Variants in CCDC146 observed in about 807,000 individuals in gnomAD.
CCDC146 encodes coiled-coil domain-containing protein 146.
In CCDC146, 92 loss-of-function variants were observed where a neutral mutation model predicts 119.3. The ratio of observed to expected loss-of-function variants is 0.77; its 90% CI spans 0.65 to 0.92. The LOEUF (loss-of-function observed/expected upper bound fraction) is 0.92, where lower values mean the gene tolerates loss of function less well. CCDC146 is among the 40% of genes least tolerant of loss of function. CCDC146 has a pLI of 0.00. For synonymous variants in CCDC146, 372 were observed against 371.8 expected, an observed-to-expected ratio of 1.00 and a Z score of -0.01; for missense variants, 1,000 against 1,103.0, an observed-to-expected ratio of 0.91 and a Z score of 1.32.
intron 1 of CCDC146, among the ~76,000 whole-genome samples, chr7:77,133,967 T>C (rs1195115479): frequency 6.6e-6 from 1 of 152,110 alleles, no homozygotes; most frequent in African/African-American, 2.4e-5. Flanking sequence ...CAGTACACAA[T>C]CGTCCCTTGG....
At chr7:77,276,224 G>T (rs199730965) in intron 11 of CCDC146, among the ~76,000 whole-genome samples, 2 of 74,372 alleles carry the variant, frequency 2.7e-5, no homozygotes, top group South Asian at 4.3e-4. Context: ...AAAAAAAAAA[G>T]AATTTATCTC....
At chr7:77,142,305 C>CATTTATTTATTT (rs34373715) in intron 1 of CCDC146, among the ~76,000 whole-genome samples, 128 of 142,846 alleles carry the variant, frequency 9.0e-4, no homozygotes, top group African/African-American at 1.2e-3. Context: ...CATGATTGTA[C>CATTTATTTATTT]ATTTATTTAT....
In CCDC146 at chr7:77,237,151, G is replaced by A. The variant is rs80323201; in HGVS notation, c.239+122G>A. ...CCTGAGGCAAGGATTTGCGTTCAGG[G>A]AGTTTGAGAAGTGGTACGAGAAAGC... On this transcript the variant is annotated intron_variant, in intron 3 of 18. Transcript: ENST00000285871. 759 of 767,398 alleles carry A rather than the reference G, an allele frequency of 9.9e-4. 13 individuals carry two copies. In the East Asian group the frequency reaches 0.019, roughly 20 times the overall value. The allele number at this position is 767,398 out of a possible 1,614,324, so 47.5% of individuals were successfully genotyped here.
chr7:77,188,804 C>A (rs566915882), intron 2 of CCDC146, among the ~76,000 whole-genome samples: 1 of 152,120 alleles, frequency 6.6e-6, no homozygotes, highest in African/African-American at 2.4e-5. Context: ...CTATATCTAA[C>A]GTAATCTAAA....
intron 4 of CCDC146, among the ~76,000 whole-genome samples, chr7:77,253,282 G>A (rs1258160459): frequency 6.6e-6 from 1 of 152,150 alleles, no homozygotes; most frequent in Non-Finnish European, 1.5e-5. Flanking sequence ...TATCACATCT[G>A]GATCTCTGTC....
intron 1 of CCDC146, among the ~76,000 whole-genome samples, chr7:77,126,709 C>G (rs1326565824): frequency 1.3e-5 from 2 of 152,094 alleles, no homozygotes; most frequent in African/African-American, 4.8e-5. Flanking sequence ...TGTAGTCTGT[C>G]TATCCTCTTC....
intron 2 of CCDC146, among the ~76,000 whole-genome samples, chr7:77,172,660 A>G (rs1471464493): frequency 6.6e-6 from 1 of 152,016 alleles, no homozygotes; most frequent in Admixed American, 6.6e-5. Context: ...CTCAGGAGCT[A>G]CTCTTTATGT....
rs2150468111 is a variant in CCDC146 at position 77,225,568 on chromosome 7, A to T, written c.157-11379A>T. Among the ~76,000 whole-genome samples, 2 of 152,194 alleles carry T rather than the reference A, an allele frequency of 1.3e-5. 1 individual carries two copies. Among genetic ancestry groups the T allele is most frequent in the Middle Eastern group, 6.8e-3 (2 of 294 alleles). On this transcript the variant is annotated intron_variant, in intron 2 of 18. Transcript: ENST00000285871. ...GACTTTGCCTTAAAAAAAAAAACAAAAACTAGCAGAGCTATAATTCAAAAC... is the reference window on the plus strand; with the variant it reads ...GACTTTGCCTTAAAAAAAAAAACAATAACTAGCAGAGCTATAATTCAAAAC...
chr7:77,241,187 A>G (rs1792841401), intron 3 of CCDC146, among the ~76,000 whole-genome samples: 1 of 148,168 alleles, frequency 6.7e-6, no homozygotes. Context: ...CCTCCCGAGT[A>G]GCTGGGACTA....
At chr7:77,276,670 A>T (rs1205229061) in intron 11 of CCDC146, among the ~76,000 whole-genome samples, 1 of 152,220 alleles carries the variant, frequency 6.6e-6, no homozygotes. Context: ...TAGGTAAAGA[A>T]GTGGTCAGGG....
intron 15 of CCDC146, among the ~76,000 whole-genome samples, chr7:77,286,358 C>A (rs1274814101): frequency 6.6e-6 from 1 of 152,130 alleles, no homozygotes; most frequent in African/African-American, 2.4e-5. Context: ...CCATCCTGCC[C>A]CCATGACCCA....
chr7:77,199,845 T>C (rs1351077602), intron 2 of CCDC146: 3 of 1,557,282 alleles, frequency 1.9e-6, no homozygotes, highest in South Asian at 1.2e-5. Context: ...GGAGCTGCTT[T>C]AATAGCGGCA....
At chr7:77,291,652 G>A (rs1793946011) in intron 17 of CCDC146, among the ~76,000 whole-genome samples, 1 of 152,168 alleles carries the variant, frequency 6.6e-6, no homozygotes, top group South Asian at 2.1e-4. Flanking sequence ...AGGTTGCAGT[G>A]AGCTGAGATC....
At chr7:77,242,888 G>A (rs1450154051) in intron 4 of CCDC146, among the ~76,000 whole-genome samples, 3 of 151,902 alleles carry the variant, frequency 2.0e-5, no homozygotes, top group African/African-American at 7.3e-5. Context: ...CACTGGCGGT[G>A]GGTGGGGGTG....
chr7:77,203,372 C>G (rs1792029691), intron 2 of CCDC146, among the ~76,000 whole-genome samples: 1 of 146,512 alleles, frequency 6.8e-6, no homozygotes, highest in South Asian at 2.1e-4. Flanking sequence ...TAAGCATTGA[C>G]AAGCCACCAA....
At chr7:77,204,703 T>C (rs1278324934) in intron 2 of CCDC146, among the ~76,000 whole-genome samples, 2 of 152,220 alleles carry the variant, frequency 1.3e-5, no homozygotes, top group Non-Finnish European at 2.9e-5. Context: ...AGTCAATACC[T>C]ATCAACAAAA....
chr7:77,241,929 GAA>G (rs1356682974), intron 4 of CCDC146, 29 bp downstream of exon 4: 7 of 1,545,038 alleles, frequency 4.5e-6, no homozygotes, highest in Non-Finnish European at 6.2e-6. Flanking sequence ...CCGGCACACT[GAA>G]AAGTCTTTTC....
chr7:77,227,370 A>G (rs1048533623), intron 2 of CCDC146, among the ~76,000 whole-genome samples: 5 of 152,126 alleles, frequency 3.3e-5, no homozygotes, highest in Admixed American at 2.6e-4. Flanking sequence ...CAGTGGTGCA[A>G]TCTCGGCTCA....
At chr7:77,222,715 C>T (rs1200136378) in intron 2 of CCDC146, among the ~76,000 whole-genome samples, 1 of 152,224 alleles carries the variant, frequency 6.6e-6, no homozygotes, top group African/African-American at 2.4e-5. Flanking sequence ...CTTCTTCATA[C>T]ATGTGTAGCC....
Sources: gnomAD v4.1 joint callset for allele counts (sites outside exome capture counted in the v4.1 genomes callset) on GRCh38, gnomAD v4.1.1 for gene constraint, MANE v1.5 for transcripts, NCBI Gene and HGNC (gene_info 2026-07-23, HGNC 2026-07-21) for gene names.